POU6F2: variants seen among roughly 807,000 people sequenced by gnomAD.
The protein encoded by POU6F2 is POU domain, class 6, transcription factor 2.
In POU6F2, 31 loss-of-function variants were observed where a neutral mutation model predicts 71.3. The observed-to-expected ratio is 0.43, with a 90% CI of 0.33 to 0.59. The LOEUF is 0.59. Among genes scored for constraint, POU6F2 ranks in the 20% least tolerant of loss-of-function variants. The probability of loss-of-function intolerance (pLI) is 0.04; values close to 1 mark genes in which losing one functional copy is unlikely to be tolerated. For synonymous variants in POU6F2, 347 were observed against 355.7 expected (o/e 0.98, Z 0.27); for missense variants, 783 against 856.8 (o/e 0.91, Z 1.07).
intron 1 of POU6F2, among the ~76,000 whole-genome samples, chr7:39,044,539 G>A (rs1294248703): frequency 3.3e-5 from 5 of 151,922 alleles, no homozygotes; most frequent in Admixed American, 2.6e-4. Flanking sequence ...TTGTTTTTCT[G>A]AGACTGATAG....
intron 4 of POU6F2, among the ~76,000 whole-genome samples, chr7:39,298,190 T>C (rs1253641557): frequency 1.3e-5 from 2 of 152,192 alleles, no homozygotes; most frequent in Non-Finnish European, 2.9e-5. Context: ...AGAGAGCTTC[T>C]GCACAGCAAA....
intron 2 of POU6F2, among the ~76,000 whole-genome samples, chr7:39,163,726 T>A (rs1306209192): frequency 1.3e-5 from 2 of 152,242 alleles, no homozygotes; most frequent in Non-Finnish European, 2.9e-5. Flanking sequence ...ATGTTCATTG[T>A]AGCACTATTT....
intron 1 of POU6F2, among the ~76,000 whole-genome samples, chr7:39,085,499 C>A (rs1791219104): frequency 6.6e-6 from 1 of 151,852 alleles, no homozygotes; most frequent in Admixed American, 6.6e-5. Flanking sequence ...GCATTAAAGA[C>A]AGAACAAGGT....
intron 1 of POU6F2, among the ~76,000 whole-genome samples, chr7:39,044,268 T>TA (rs996051494): frequency 1.8e-4 from 28 of 151,892 alleles, no homozygotes; most frequent in Non-Finnish European, 1.0e-4. Context: ...TCAGAGAAAC[T>TA]AAAAAATCCA....
At chr7:39,127,873 T>A (rs1792173773) in intron 2 of POU6F2, among the ~76,000 whole-genome samples, 1 of 147,210 alleles carries the variant, frequency 6.8e-6, no homozygotes, top group East Asian at 2.1e-4. Context: ...GACGGAGTCT[T>A]GCTCTGTCGC....
chr7:39,162,514 A>G (rs1316173816), intron 2 of POU6F2, among the ~76,000 whole-genome samples: 1 of 152,136 alleles, frequency 6.6e-6, no homozygotes, highest in Non-Finnish European at 1.5e-5. Flanking sequence ...GTTGTACCTG[A>G]ATTTTGCTTT....
intron 9 of POU6F2, among the ~76,000 whole-genome samples, chr7:39,461,092 G>A (rs968540515): frequency 6.6e-6 from 1 of 152,066 alleles, no homozygotes; most frequent in Non-Finnish European, 1.5e-5. Flanking sequence ...TTGTGTTAAC[G>A]CCTTTGCTAT....
In POU6F2 at chr7:39,023,822, G is replaced by A. The variant is rs1789734879; in HGVS notation, c.105+45764G>A. 2.6e-5 allele frequency among the ~76,000 whole-genome samples: 4 copies of A among 151,970 alleles called. No homozygotes were observed. In the South Asian group the frequency reaches 8.3e-4, roughly 31 times the overall value. On this transcript the variant is annotated intron_variant, in intron 1 of 9. Coordinates refer to ENST00000518318, the MANE Select transcript of POU6F2 (RefSeq NM_001370959.1). ...TAAGCCTGAGAAGTAGGCATTCTCT[G>A]CACTTTACAAATGGAGAAACTGAAG...
Position 39,330,346 on chromosome 7 carries a change from T to C in POU6F2, c.599-9296T>C, listed in dbSNP as rs796521132. 5.9e-5 allele frequency among the ~76,000 whole-genome samples: 9 copies of C among 152,356 alleles called. 1 individual carries two copies. Among genetic ancestry groups the C allele is most frequent in the African/African-American group, 1.9e-4 (8 of 41,582 alleles). On this transcript the variant is annotated intron_variant, in intron 4 of 9. Transcript: ENST00000518318. ...AGCATGTTTAAGTCTCTATTTGTTC[T>C]GTCAACTGCAGAGCCATCTCTTTAC...
chr7:39,065,076 A>G lies in POU6F2; in HGVS notation c.106-20784A>G, dbSNP rs200160044. ...ATAATTTCAGATGTTTAATTTATAT[A>G]TTAGGCTCCCTTATAAACATAGAAG... On this transcript the variant is annotated intron_variant, in intron 1 of 9. Coordinates refer to ENST00000518318, the MANE Select transcript of POU6F2 (RefSeq NM_001370959.1). Among the ~76,000 whole-genome samples, 33 of 151,968 alleles carry G rather than the reference A, an allele frequency of 2.2e-4. No individual in the cohort carries two copies. The East Asian group carries it at 5.6e-3, about 26-fold the overall frequency.
At chr7:39,101,805 T>C (rs1430730962) in intron 2 of POU6F2, among the ~76,000 whole-genome samples, 1 of 152,186 alleles carries the variant, frequency 6.6e-6, no homozygotes, top group African/African-American at 2.4e-5. Context: ...AATGTATACA[T>C]ATAACAAAAC....
At chr7:39,314,130 C>T (rs1245775888) in intron 4 of POU6F2, among the ~76,000 whole-genome samples, 1 of 152,192 alleles carries the variant, frequency 6.6e-6, no homozygotes, top group South Asian at 2.1e-4. Flanking sequence ...TGTACTTCTG[C>T]CTGCAGGTCA....
At chr7:39,092,636 C>T (rs1314861957) in intron 2 of POU6F2, among the ~76,000 whole-genome samples, 1 of 152,102 alleles carries the variant, frequency 6.6e-6, no homozygotes, top group Non-Finnish European at 1.5e-5. Flanking sequence ...ATGGGGGCTT[C>T]TGATGAAGTC....
In POU6F2 at chr7:39,207,441, C is replaced by T. The variant is rs1584602004; in HGVS notation, c.419C>T (p.Pro140Leu). 1 of 1,613,896 alleles carries T rather than the reference C, an allele frequency of 6.2e-7. No individual in the cohort carries two copies. The highest frequency in any genetic ancestry group is 8.5e-7 in the Non-Finnish European group (1 of 1,179,844). The change falls in exon 4 of 10, where the codon CCG becomes CTG. Residue 140 changes from proline (P) to leucine (L), a missense_variant. By Grantham distance (98) the Pro-to-Leu change is moderately conservative (BLOSUM62 -3). Around this residue, in one of 2 missense-constraint regions of POU6F2, gnomAD observed 572 missense variants for 572.9 expected, o/e 1.00. Transcript: ENST00000518318. Reference protein sequence around the residue: ...QLASAVAGVMPGGPPALNQPI... With the variant: ...QLASAVAGVMLGGPPALNQPI... The stretch of plus-strand genomic sequence containing the variant: ...GCTTCTGCTGTGGCCGGCGTGATGC[C>T]GGGAGGCCCCCCAGCCCTCAACCAG...
chr7:39,259,374 C>T (rs35880278), intron 4 of POU6F2, among the ~76,000 whole-genome samples: 1 of 152,176 alleles, frequency 6.6e-6, no homozygotes, highest in Non-Finnish European at 1.5e-5. Flanking sequence ...GATCATCCCC[C>T]TAAAACATGC....
intron 7 of POU6F2, among the ~76,000 whole-genome samples, chr7:39,450,411 G>C (rs1788630478): frequency 6.6e-6 from 1 of 152,120 alleles, no homozygotes; most frequent in South Asian, 2.1e-4. Flanking sequence ...TAATGCTGAG[G>C]CTCCTTGTCT....
chr7:39,449,622 A>T (rs1157938054), intron 7 of POU6F2, among the ~76,000 whole-genome samples: 1 of 152,162 alleles, frequency 6.6e-6, no homozygotes, highest in Non-Finnish European at 1.5e-5. Context: ...ACAAAAACAC[A>T]AGTAGACACA....
At chr7:39,395,505 C>G in intron 5 of POU6F2, among the ~76,000 whole-genome samples, 1 of 152,198 alleles carries the variant, frequency 6.6e-6, no homozygotes, top group South Asian at 2.1e-4. Context: ...ACTCCCTCTG[C>G]CCTTCTCTTA....
chr7:39,238,581 C>T (rs963504483), intron 4 of POU6F2, among the ~76,000 whole-genome samples: 7 of 152,128 alleles, frequency 4.6e-5, no homozygotes, highest in South Asian at 2.1e-4. Flanking sequence ...TGGCCTTTTC[C>T]GGAAAAAGTT....
Sources: allele counts gnomAD v4.1 joint callset (sites outside exome capture counted in the v4.1 genomes callset), GRCh38; gene constraint gnomAD v4.1.1; regional missense constraint gnomAD v4.1.1; transcripts MANE v1.5; gene names NCBI Gene and HGNC (gene_info 2026-07-23, HGNC 2026-07-21).